The following SH3GL2 variants were observed in gnomAD, a reference collection of about 807,000 sequenced individuals.
SH3GL2 encodes endophilin-A1.
SH3GL2 carries 24 observed loss-of-function variants against 46.0 expected under a neutral mutation model. That is an observed-to-expected ratio of 0.52 (90% CI 0.38 to 0.73). SH3GL2 has a LOEUF of 0.73. Among genes scored for constraint, SH3GL2 ranks in the 30% least tolerant of loss-of-function variants. SH3GL2 has a pLI of 0.00. For missense variants in SH3GL2, 413 were observed against 424.2 expected, an observed-to-expected ratio of 0.97 and a Z score of 0.23; for synonymous variants, 196 against 147.1, an observed-to-expected ratio of 1.33 and a Z score of -2.40.
intron 1 of SH3GL2, among the ~76,000 whole-genome samples, chr9:17,594,820 T>C (rs568754386): frequency 6.6e-6 from 1 of 152,294 alleles, no homozygotes; most frequent in South Asian, 2.1e-4. Context: ...GGGCATTTAA[T>C]TGATAATTGT....
At chr9:17,737,777 G>C (rs748379842) in intron 1 of SH3GL2, among the ~76,000 whole-genome samples, 2 of 152,030 alleles carry the variant, frequency 1.3e-5, no homozygotes, top group Non-Finnish European at 2.9e-5. Flanking sequence ...CTGTACTCTG[G>C]AGATGCATGT....
chr9:17,704,714 G>A (rs563180143), intron 1 of SH3GL2, among the ~76,000 whole-genome samples: 1 of 152,202 alleles, frequency 6.6e-6, no homozygotes, highest in South Asian at 2.1e-4. Context: ...ATGTTGCTGG[G>A]ATAACTGGCT....
chr9:17,581,836 T>G (rs150695379), intron 1 of SH3GL2, among the ~76,000 whole-genome samples: 87 of 152,250 alleles, frequency 5.7e-4, no homozygotes, highest in African/African-American at 2.1e-3. Flanking sequence ...GTAGCTGGGA[T>G]TATAGGCATG....
At chr9:17,774,924 G>A (rs912183387) in intron 3 of SH3GL2, among the ~76,000 whole-genome samples, 1 of 149,530 alleles carries the variant, frequency 6.7e-6, no homozygotes, top group Admixed American at 6.7e-5. Flanking sequence ...GCTTGTTTTT[G>A]TTGGGAGATT....
At chr9:17,773,712 G>C (rs77570497) in intron 3 of SH3GL2, among the ~76,000 whole-genome samples, 1 of 152,012 alleles carries the variant, frequency 6.6e-6, no homozygotes, top group Non-Finnish European at 1.5e-5. Context: ...TAGCTTTGTA[G>C]TGAGTTTTCA....
At chr9:17,714,105 GC>G (rs1821692629) in intron 1 of SH3GL2, among the ~76,000 whole-genome samples, 1 of 151,566 alleles carries the variant, frequency 6.6e-6, no homozygotes, top group Non-Finnish European at 1.5e-5. Context: ...GATTAATTGA[GC>G]CCTTTATTAG....
chr9:17,652,314 A>G (rs1265567337), intron 1 of SH3GL2, among the ~76,000 whole-genome samples: 1 of 151,802 alleles, frequency 6.6e-6, no homozygotes, highest in Non-Finnish European at 1.5e-5. Flanking sequence ...AATCATTATT[A>G]TTCATTATTA....
chr9:17,601,381 T>G (rs560868291), intron 1 of SH3GL2, among the ~76,000 whole-genome samples: 5 of 152,280 alleles, frequency 3.3e-5, no homozygotes, highest in African/African-American at 1.2e-4. Context: ...ATGAAATAGT[T>G]GAGTGTAATT....
Position 17,635,676 on chromosome 9 carries a change from G to A in SH3GL2, c.45+56389G>A, listed in dbSNP as rs551328760. ...TCATGTGCCTGCTGTGAGATTGGGT[G>A]CTCTGAGTGTACACAACAGAGGAAA... On this transcript the variant is annotated intron_variant, in intron 1 of 8. Coordinates refer to ENST00000380607, the MANE Select transcript of SH3GL2 (RefSeq NM_003026.5). 3.1e-3 allele frequency among the ~76,000 whole-genome samples: 470 copies of A among 152,306 alleles called. 1 individual carries two copies. The highest frequency in any genetic ancestry group is 4.9e-3 in the Non-Finnish European group (336 of 68,014).
chr9:17,689,758 C>G (rs1384106628), intron 1 of SH3GL2, among the ~76,000 whole-genome samples: 2 of 152,072 alleles, frequency 1.3e-5, no homozygotes, highest in African/African-American at 4.8e-5. Context: ...ATTAGAAAAG[C>G]CTCTTCTGAC....
intron 1 of SH3GL2, among the ~76,000 whole-genome samples, chr9:17,732,729 G>A (rs1336518677): frequency 6.6e-6 from 1 of 152,130 alleles, no homozygotes; most frequent in East Asian, 1.9e-4. Flanking sequence ...TTGAAGGACA[G>A]TAAAACCTAA....
intron 1 of SH3GL2, among the ~76,000 whole-genome samples, chr9:17,677,455 T>C (rs1309155380): frequency 6.6e-6 from 1 of 152,236 alleles, no homozygotes; most frequent in East Asian, 1.9e-4. Flanking sequence ...ACCAAGCACT[T>C]ATTTGGGGGT....
At chr9:17,698,553 G>T (rs1821264943) in intron 1 of SH3GL2, among the ~76,000 whole-genome samples, 1 of 152,124 alleles carries the variant, frequency 6.6e-6, no homozygotes, top group African/African-American at 2.4e-5. Flanking sequence ...AAGAAAATTG[G>T]ATGTAATATG....
At chr9:17,776,685 C>A (rs563016694) in intron 3 of SH3GL2, among the ~76,000 whole-genome samples, 8 of 112,804 alleles carry the variant, frequency 7.1e-5, no homozygotes, top group South Asian at 2.9e-4. Context: ...TTTTTTTAAG[C>A]CAAGAAGTAT....
intron 2 of SH3GL2, among the ~76,000 whole-genome samples, chr9:17,756,325 T>G (rs2131143836): frequency 6.6e-6 from 1 of 152,314 alleles, no homozygotes; most frequent in South Asian, 2.1e-4. Flanking sequence ...TTTTTATTTT[T>G]ATTTTTTATT....
chr9:17,795,693 G>A lies in SH3GL2; in HGVS notation c.1009G>A (p.Gly337Ser), dbSNP rs1824255725. 3 of 1,614,014 alleles carry A rather than the reference G, an allele frequency of 1.9e-6. No homozygotes were observed. Among genetic ancestry groups the A allele is most frequent in the Non-Finnish European group, 2.5e-6 (3 of 1,179,948 alleles). ...WYEGMLHGHS[G>S]FFPINYVEIL... ...TGAGGGGATGCTGCATGGCCATTCA[G>A]GCTTCTTCCCCATCAATTATGTGGA... Residue 337 changes from glycine (G) to serine (S), a missense_variant, in exon 9 of 9, where the codon GGC becomes AGC. Gly to Ser is a moderately conservative substitution (Grantham distance 56, BLOSUM62 0). Coordinates refer to ENST00000380607, the MANE Select transcript of SH3GL2 (RefSeq NM_003026.5).
At chr9:17,780,626 C>G (rs1321219973) in intron 3 of SH3GL2, among the ~76,000 whole-genome samples, 1 of 114,742 alleles carries the variant, frequency 8.7e-6, no homozygotes, top group Admixed American at 9.3e-5. Flanking sequence ...GCTATCCCTC[C>G]CCCCTCCCCC....
At chr9:17,756,311 CTTTT>C (rs892190241) in intron 2 of SH3GL2, among the ~76,000 whole-genome samples, 2 of 151,684 alleles carry the variant, frequency 1.3e-5, no homozygotes, top group Admixed American at 6.6e-5. Context: ...GTTTCACTTT[CTTTT>C]TTTTATTTTT....
chr9:17,654,331 C>A (rs1820022022), intron 1 of SH3GL2, among the ~76,000 whole-genome samples: 1 of 152,124 alleles, frequency 6.6e-6, no homozygotes. Flanking sequence ...TGTGCTGCTT[C>A]CCCTGAATAA....
Sources: gnomAD v4.1 joint callset for allele counts (sites outside exome capture counted in the v4.1 genomes callset) on GRCh38, gnomAD v4.1.1 for gene constraint, MANE v1.5 for transcripts, NCBI Gene and HGNC (gene_info 2026-07-23, HGNC 2026-07-21) for gene names.